Variants in GNA14 observed in about 807,000 individuals in gnomAD.
GNA14 encodes the protein G protein subunit alpha 14.
A neutral mutation model predicts 42.0 loss-of-function variants in GNA14; 50 were observed. That is an observed-to-expected ratio of 1.19 (90% CI 0.95 to 1.51). The LOEUF (loss-of-function observed/expected upper bound fraction) is 1.51. Ranked by LOEUF, GNA14 falls within the 40% of genes most tolerant of loss-of-function variation. The pLI is 0.00. For synonymous variants in GNA14, 173 were observed against 163.1 expected (o/e 1.06, Z -0.46); for missense variants, 473 against 446.2 (o/e 1.06, Z -0.54).
intron 1 of GNA14, among the ~76,000 whole-genome samples, chr9:77,633,122 G>A (rs185710998): frequency 7.9e-5 from 12 of 152,272 alleles, no homozygotes; most frequent in South Asian, 6.2e-4. Context: ...AGAGGCTAGC[G>A]GAGAAGGAGG....
chr9:77,618,293 G>T (rs1256598236), intron 1 of GNA14, among the ~76,000 whole-genome samples: 1 of 151,850 alleles, frequency 6.6e-6, no homozygotes, highest in African/African-American at 2.4e-5. Flanking sequence ...TTTTCTCCGT[G>T]CTACTGAAGC....
chr9:77,619,347 C>T (rs1293427330), intron 1 of GNA14, among the ~76,000 whole-genome samples: 1 of 152,168 alleles, frequency 6.6e-6, no homozygotes, highest in African/African-American at 2.4e-5. Context: ...GCTGAGACTA[C>T]AGGCGCGTGT....
intron 2 of GNA14, among the ~76,000 whole-genome samples, chr9:77,437,670 TA>T (rs1835661184): frequency 6.6e-6 from 1 of 151,916 alleles, no homozygotes; most frequent in African/African-American, 2.4e-5. Context: ...AAGAAACTTA[TA>T]AAGAGTCAGT....
At chr9:77,533,274 G>C (rs1837554442) in intron 1 of GNA14, among the ~76,000 whole-genome samples, 1 of 152,192 alleles carries the variant, frequency 6.6e-6, no homozygotes, top group South Asian at 2.1e-4. Context: ...TCCGCCTCTG[G>C]GTTCAAGCAA....
chr9:77,434,957 C>T (rs1835618884), intron 2 of GNA14, among the ~76,000 whole-genome samples: 1 of 151,674 alleles, frequency 6.6e-6, no homozygotes, highest in African/African-American at 2.4e-5. Context: ...AGAAACTGGT[C>T]CACCTGGTAC....
At chr9:77,491,196 A>C (rs60395229) in intron 2 of GNA14, among the ~76,000 whole-genome samples, 11,417 of 152,336 alleles carry the variant, frequency 0.075, 993 homozygotes, top group African/African-American at 0.21. Context: ...CAGACTCATA[A>C]GAAATGCTAA....
chr9:77,464,154 C>T (rs1204159820), intron 2 of GNA14, among the ~76,000 whole-genome samples: 1 of 152,022 alleles, frequency 6.6e-6, no homozygotes, highest in Non-Finnish European at 1.5e-5. Flanking sequence ...GTCCTTGCCA[C>T]CAAGTCCGGC....
intron 2 of GNA14, among the ~76,000 whole-genome samples, chr9:77,452,622 TATATGTGTGC>T (rs373750836): frequency 5.3e-3 from 2 of 376 alleles, no homozygotes; most frequent in Non-Finnish European, 8.8e-3. Context: ...TGTGTGTATG[TATATGTGTGC>T]GGTGTGTGTG....
chr9:77,466,976 G>C (rs1836245847), intron 2 of GNA14, among the ~76,000 whole-genome samples: 1 of 149,292 alleles, frequency 6.7e-6, no homozygotes, highest in African/African-American at 2.5e-5. Flanking sequence ...CAGCCAGTTA[G>C]GGTTTTTTTG....
intron 3 of GNA14, among the ~76,000 whole-genome samples, chr9:77,432,181 T>TA: frequency 6.6e-6 from 1 of 151,894 alleles, no homozygotes; most frequent in East Asian, 1.9e-4. Flanking sequence ...AGGCCCTCGC[T>TA]AACAAAAGAG....
At position 77,433,600 on chromosome 9, in the gene GNA14, C is replaced by T. The variant is rs969782342; in HGVS notation, c.464+768G>A. Among the ~76,000 whole-genome samples the T allele has an allele frequency of 2.6e-5, 4 of 152,086 alleles. No homozygotes were observed. In the East Asian group the frequency reaches 7.7e-4, roughly 29 times the overall value. On this transcript the variant is annotated intron_variant, in intron 3 of 6. Transcript: ENST00000341700. ...CTAGTCTCGAATTCCTGGTTTCAAG[C>T]GATCCTCCCACCTCTGCCTCCCAAG...
At chr9:77,553,854 C>T (rs559888465) in intron 1 of GNA14, among the ~76,000 whole-genome samples, 10 of 152,122 alleles carry the variant, frequency 6.6e-5, no homozygotes, top group African/African-American at 1.9e-4. Context: ...ACAGTGTGAT[C>T]CACAATAACA....
chr9:77,547,495 C>G (rs954170922), intron 1 of GNA14, among the ~76,000 whole-genome samples: 1 of 152,164 alleles, frequency 6.6e-6, no homozygotes, highest in African/African-American at 2.4e-5. Context: ...GCCTCCAAGG[C>G]GTAAGGAAGC....
chr9:77,643,005 C>T (rs573126994), intron 1 of GNA14, among the ~76,000 whole-genome samples: 14 of 152,252 alleles, frequency 9.2e-5, no homozygotes, highest in Non-Finnish European at 1.8e-4. Context: ...TCCAGAGGCT[C>T]CCCCTTTACG....
chr9:77,468,439 T>C (rs1072908), intron 2 of GNA14, among the ~76,000 whole-genome samples: 91,950 of 152,008 alleles, frequency 0.6, 28,736 homozygotes, highest in East Asian at 0.82. Flanking sequence ...ACAGGTCGAT[T>C]TAATTCTCTT....
At chr9:77,619,177 G>T (rs147897301) in intron 1 of GNA14, among the ~76,000 whole-genome samples, 1 of 151,920 alleles carries the variant, frequency 6.6e-6, no homozygotes, top group African/African-American at 2.4e-5. Flanking sequence ...CCACTCAGAC[G>T]TCAACCCAGC....
chr9:77,484,235 C>CA (rs1045977356), intron 2 of GNA14, among the ~76,000 whole-genome samples: 1 of 152,108 alleles, frequency 6.6e-6, no homozygotes, highest in African/African-American at 2.4e-5. Flanking sequence ...TAAAGTGAAA[C>CA]ATATCCAAGA....
intron 1 of GNA14, among the ~76,000 whole-genome samples, chr9:77,556,274 C>T (rs527748962): frequency 3.3e-5 from 5 of 152,088 alleles, no homozygotes; most frequent in South Asian, 2.1e-4. Context: ...ACATAAAATG[C>T]GTTCACAGTT....
intron 2 of GNA14, among the ~76,000 whole-genome samples, chr9:77,480,329 T>C (rs957933470): frequency 6.6e-6 from 1 of 152,186 alleles, no homozygotes; most frequent in African/African-American, 2.4e-5. Context: ...TTGTCTTTGG[T>C]TCTGTTTATA....
Sources: gnomAD v4.1 joint callset for allele counts (sites outside exome capture counted in the v4.1 genomes callset) on GRCh38, gnomAD v4.1.1 for gene constraint, MANE v1.5 for transcripts, NCBI Gene and HGNC (gene_info 2026-07-23, HGNC 2026-07-21) for gene names.